Variants in DOCK4 observed in about 807,000 individuals in gnomAD.
DOCK4 encodes dedicator of cytokinesis protein 4.
DOCK4 carries 97 observed loss-of-function variants against 268.1 expected under a neutral mutation model. That is an observed-to-expected ratio of 0.36 (90% CI 0.31 to 0.43). The LOEUF is 0.43. Among genes scored for constraint, DOCK4 ranks in the 20% least tolerant of loss-of-function variants. The pLI is 1.00. For synonymous variants in DOCK4, 954 were observed against 887.2 expected, an observed-to-expected ratio of 1.08 and a Z score of -1.34; for missense variants, 2,145 against 2,455.7, an observed-to-expected ratio of 0.87 and a Z score of 2.67.
chr7:111,887,500 C>T (rs1807940109), intron 16 of DOCK4, among the ~76,000 whole-genome samples: 2 of 152,086 alleles, frequency 1.3e-5, no homozygotes, highest in East Asian at 1.9e-4. Context: ...CTCAGGAGCA[C>T]ATCGTCAGGC....
chr7:111,741,561 G>A lies in DOCK4; in HGVS notation c.4898C>T (p.Thr1633Ile), dbSNP rs549588731. Residue 1633 changes from threonine (T) to isoleucine (I), a missense_variant, in exon 46 of 53, where the codon ACC becomes ATC. By Grantham distance (89) the Thr-to-Ile change is moderately conservative. Coordinates refer to ENST00000428084, the MANE Select transcript of DOCK4 (RefSeq NM_001363540.2). ...TTACCTGCGTCTAGGAATTACCCTGGTACCATCTGGGCTCACAGAAGCAGG... is the reference window on the plus strand; with the variant it reads ...TTACCTGCGTCTAGGAATTACCCTGATACCATCTGGGCTCACAGAAGCAGG... ...SAPASVSPDG[T>I]RVIPRRSPLS... is the part of the protein sequence containing the mutation. 8.1e-6 allele frequency: 13 copies of A among 1,613,342 alleles called. No individual in the cohort carries two copies. In the South Asian group the frequency reaches 9.9e-5, roughly 12 times the overall value.
At chr7:112,034,632 G>A (rs540571696) in intron 1 of DOCK4, among the ~76,000 whole-genome samples, 23 of 152,340 alleles carry the variant, frequency 1.5e-4, no homozygotes, top group African/African-American at 5.3e-4. Context: ...CAGATGCGGT[G>A]GCTCACGCCT....
chr7:111,749,699 T>C (rs1796503798), intron 42 of DOCK4, among the ~76,000 whole-genome samples: 1 of 152,134 alleles, frequency 6.6e-6, no homozygotes. Flanking sequence ...AAGGATATGA[T>C]TGGTATAGAG....
intron 1 of DOCK4, among the ~76,000 whole-genome samples, chr7:112,197,124 T>A (rs1165963675): frequency 6.6e-6 from 1 of 152,174 alleles, no homozygotes; most frequent in Non-Finnish European, 1.5e-5. Flanking sequence ...TTTGCCTCTT[T>A]CTGTGAATTT....
At chr7:111,952,107 A>T (rs1562930188) in intron 8 of DOCK4, among the ~76,000 whole-genome samples, 4 of 151,800 alleles carry the variant, frequency 2.6e-5, no homozygotes, top group Non-Finnish European at 4.4e-5. Flanking sequence ...AAAAAAAAAA[A>T]TCAACCAAAT....
intron 1 of DOCK4, among the ~76,000 whole-genome samples, chr7:112,167,443 T>A (rs1381224195): frequency 6.6e-6 from 1 of 151,620 alleles, no homozygotes; most frequent in East Asian, 1.9e-4. Flanking sequence ...AAAAAAAAAA[T>A]GTTTGTGAAA....
At chr7:111,979,397 G>T (rs773889748) in intron 7 of DOCK4, among the ~76,000 whole-genome samples, 7 of 151,868 alleles carry the variant, frequency 4.6e-5, no homozygotes, top group African/African-American at 4.8e-5. Flanking sequence ...ACAGGTTCCT[G>T]AAGAAAAATA....
chr7:111,778,157 A>T (rs1798570310), intron 36 of DOCK4, 119 bp downstream of exon 36: 1 of 626,410 alleles, frequency 1.6e-6, no homozygotes, highest in Admixed American at 3.1e-5. Flanking sequence ...AATTAAAAAT[A>T]AATTTTAATT....
At chr7:111,958,563 T>G (rs1012222287) in intron 8 of DOCK4, among the ~76,000 whole-genome samples, 3 of 152,212 alleles carry the variant, frequency 2.0e-5, no homozygotes, top group African/African-American at 7.2e-5. Flanking sequence ...TCTGGTCACT[T>G]TCTAAAATCC....
At chr7:111,954,385 T>C (rs1796293551) in intron 8 of DOCK4, among the ~76,000 whole-genome samples, 1 of 152,158 alleles carries the variant, frequency 6.6e-6, no homozygotes, top group South Asian at 2.1e-4. Flanking sequence ...GTGCTTATGA[T>C]GGCAGAGATG....
intron 1 of DOCK4, among the ~76,000 whole-genome samples, chr7:112,149,047 G>C (rs547646487): frequency 6.6e-6 from 1 of 152,182 alleles, no homozygotes; most frequent in Non-Finnish European, 1.5e-5. Flanking sequence ...CTAATTATTT[G>C]AACTTTTAAA....
At chr7:112,066,398 G>C (rs1435520236) in intron 1 of DOCK4, among the ~76,000 whole-genome samples, 1 of 151,502 alleles carries the variant, frequency 6.6e-6, no homozygotes, top group Non-Finnish European at 1.5e-5. Flanking sequence ...TGGTTTTCCA[G>C]CTTGCAGATG....
At chr7:111,949,498 A>G (rs1384969901) in intron 8 of DOCK4, among the ~76,000 whole-genome samples, 1 of 152,222 alleles carries the variant, frequency 6.6e-6, no homozygotes, top group African/African-American at 2.4e-5. Context: ...TTCAGAAAGA[A>G]TATCAATATG....
intron 1 of DOCK4, among the ~76,000 whole-genome samples, chr7:112,200,290 G>A (rs1451688705): frequency 6.6e-6 from 1 of 152,060 alleles, no homozygotes; most frequent in Non-Finnish European, 1.5e-5. Flanking sequence ...GGTACTGGGG[G>A]ATATTTATAT....
At chr7:111,756,807 T>C in intron 41 of DOCK4, among the ~76,000 whole-genome samples, 2 of 150,482 alleles carry the variant, frequency 1.3e-5, no homozygotes, top group East Asian at 3.9e-4. Flanking sequence ...TGTGCTGAGA[T>C]GAATAGGGCA....
chr7:111,732,147 T>G, intron 52 of DOCK4, 79 bp downstream of exon 52: 4 of 1,412,192 alleles, frequency 2.8e-6, no homozygotes, highest in Non-Finnish European at 3.0e-6. Flanking sequence ...TAAAGCACCT[T>G]TTGATATATC....
intron 37 of DOCK4, 109 bp from the exon 38 acceptor site, chr7:111,767,227 C>A: frequency 1.6e-4 from 73 of 464,812 alleles, no homozygotes; most frequent in Middle Eastern, 6.0e-4. Flanking sequence ...ACTCCTTAAT[C>A]TTTTTTTTTT....
chr7:111,936,614 T>G lies in DOCK4; in HGVS notation c.978-986A>C, dbSNP rs79945484. Among the ~76,000 whole-genome samples the G allele has an allele frequency of 4.3e-3, 656 of 152,222 alleles. 10 individuals are homozygous for G. The highest frequency in any genetic ancestry group is 0.015 in the African/African-American group (605 of 41,528). On this transcript the variant is annotated intron_variant, in intron 11 of 52. Transcript: ENST00000428084. ...TGTTATCCATCCTTACTGCCACTAC[T>G]CTCCCAGATTGGCTGGGGAAAAGTT... is the stretch of plus-strand genomic sequence containing the variant.
At chr7:112,152,517 T>C (rs536415182) in intron 1 of DOCK4, among the ~76,000 whole-genome samples, 7 of 152,328 alleles carry the variant, frequency 4.6e-5, no homozygotes, top group African/African-American at 1.4e-4. Context: ...AGAAGGTTTC[T>C]ATTTCCTTGA....
Sources: gnomAD v4.1 joint callset for allele counts (sites outside exome capture counted in the v4.1 genomes callset) on GRCh38, gnomAD v4.1.1 for gene constraint, MANE v1.5 for transcripts, NCBI Gene and HGNC (gene_info 2026-07-23, HGNC 2026-07-21) for gene names.